Variants in ZBP1 observed in about 807,000 individuals in gnomAD.
ZBP1 encodes Z-DNA binding protein 1.
A neutral mutation model predicts 41.1 loss-of-function variants in ZBP1; 42 were observed. The observed-to-expected ratio is 1.02, with a 90% CI of 0.80 to 1.32. The LOEUF (loss-of-function observed/expected upper bound fraction) is 1.32, where lower values mean the gene tolerates loss of function less well. Among genes scored for constraint, ZBP1 ranks in the 40% most tolerant of loss-of-function variants. The pLI is 0.00. For missense variants in ZBP1, 562 were observed against 549.7 expected, an observed-to-expected ratio of 1.02 and a Z score of -0.22; for synonymous variants, 214 against 205.2, an observed-to-expected ratio of 1.04 and a Z score of -0.37.
intron 4 of ZBP1, among the ~76,000 whole-genome samples, chr20:57,614,562 G>A (rs1013120647): frequency 2.0e-5 from 3 of 152,022 alleles, no homozygotes; most frequent in African/African-American, 7.3e-5. Context: ...ACCCCAACTT[G>A]AGCAAAGTGC....
chr20:57,610,347 G>T lies in ZBP1; in HGVS notation c.895C>A (p.Pro299Thr), dbSNP rs1362734419. 5.0e-6 allele frequency: 8 copies of T among 1,614,050 alleles called. No homozygotes were observed. The East Asian group carries it at 6.7e-5, about 13-fold the overall frequency. The change falls in exon 7 of 8, where the codon CCA becomes ACA. Residue 299 changes from proline to threonine, a missense_variant. By Grantham distance (38) the Pro-to-Thr change is conservative. Coordinates refer to ENST00000371173, the MANE Select transcript of ZBP1 (RefSeq NM_030776.3). The surrounding 1 kb of genome is among the most constrained non-coding windows in gnomAD (Gnocchi z 5.5). ...SPPVSATAAG[P>T]EASFEARIPS... ...ATTCTTGCTTCAAACGAAGCTTCTG[G>T]GCCGGCAGCAGTGGCAGAGACTGTG...
In ZBP1 at chr20:57,610,575, T is replaced by TCCACTGATCCCGCAGTGGGTCTGCC; in HGVS notation, c.875-233_875-209dup. 1.7e-6 allele frequency: 1 copy of TCCACTGATCCCGCAGTGGGTCTGCC among 604,062 alleles called. No homozygotes were observed. The highest frequency in any genetic ancestry group is 2.8e-5 in the East Asian group (1 of 35,968). 37.4% of individuals were successfully genotyped at this position (604,062 alleles called of 1,614,324 possible). The stretch of plus-strand genomic sequence containing the variant: ...TGCTGTCTGGGAAGCGTCTTTCTGC[T>TCCACTGATCCCGCAGTGGGTCTGCC]CCACTGATCCCGCAGTGGGTCTGCC... On this transcript the variant is annotated intron_variant, in intron 6 of 7. Transcript: ENST00000371173. This position sits in a 1 kb window ranked among gnomAD's most constrained non-coding sequence, Gnocchi z 5.5.
chr20:57,620,154 A>G, intron 1 of ZBP1, 108 bp downstream of exon 1: 6 of 1,343,428 alleles, frequency 4.5e-6, no homozygotes, highest in Non-Finnish European at 4.2e-6. Context: ...ATTCTTTAGG[A>G]TACTGCTATT....
chr20:57,610,169 C>T lies in ZBP1; in HGVS notation c.1073G>A (p.Gly358Glu), dbSNP rs140512887. 22 of 1,614,004 alleles carry T rather than the reference C, an allele frequency of 1.4e-5. No homozygotes were observed. The highest frequency in any genetic ancestry group is 1.8e-5 in the Non-Finnish European group (21 of 1,180,004). Residue 358 changes from glycine to glutamate, a missense_variant, in exon 7 of 8, where the codon GGG (glycine) becomes GAG (glutamate). Gly to Glu is a moderately conservative substitution (Grantham distance 98). Transcript: ENST00000371173. This position sits in a 1 kb window ranked among gnomAD's most constrained non-coding sequence, Gnocchi z 5.5. Reference sequence around the variant, plus strand: ...CTCACCTGCGTCCTCCCCTGGCTCCCCCTCTCCAGACCCTGCGACTCCTCC... The same window carrying T: ...CTCACCTGCGTCCTCCCCTGGCTCCTCCTCTCCAGACCCTGCGACTCCTCC... Reference protein sequence around the residue: ...GPGGVAGSGEGEPGEDAGRRP... With the variant: ...GPGGVAGSGEEEPGEDAGRRP...
chr20:57,611,686 CG>C, intron 6 of ZBP1, 40 bp downstream of exon 6: 1 of 1,572,912 alleles, frequency 6.4e-7, no homozygotes, highest in Non-Finnish European at 8.6e-7. Flanking sequence ...TGAGGACCCA[CG>C]GGGTGGCAGA....
Position 57,611,411 on chromosome 20 carries a change from A to ATTTTTTTTTTTTTTTTTTTTTTTTTT in ZBP1, c.874+315_874+316insAAAAAAAAAAAAAAAAAAAAAAAAAA, listed in dbSNP as rs3068061. On this transcript the variant is annotated intron_variant, in intron 6 of 7. Transcript: ENST00000371173. ...AGGCGCAAGCCACCATGCCCGGTTA[A>ATTTTTTTTTTTTTTTTTTTTTTTTTT]TTTTTTTTTTTTTTTTTTTTGTATT... Among the ~76,000 whole-genome samples the ATTTTTTTTTTTTTTTTTTTTTTTTTT allele has an allele frequency of 2.4e-4, 23 of 95,142 alleles. 1 individual carries two copies. Among genetic ancestry groups the ATTTTTTTTTTTTTTTTTTTTTTTTTT allele is most frequent in the Non-Finnish European group, 3.7e-4 (19 of 51,840 alleles). The allele number at this position is 95,142 out of a possible 152,430, so 62.4% of individuals were successfully genotyped here. A position where few individuals can be genotyped will look rare whatever the true frequency, so the allele number is the denominator to read the frequency against.
Position 57,604,367 on chromosome 20 carries a change from TC to T in ZBP1, c.*205del. 1.4e-6 allele frequency: 1 copy of T among 708,408 alleles called. No homozygotes were observed. Among genetic ancestry groups the T allele is most frequent in the Non-Finnish European group, 2.5e-6 (1 of 396,124 alleles). The allele number at this position is 708,408 out of a possible 1,614,324, so 43.9% of individuals were successfully genotyped here. A position where few individuals can be genotyped will look rare whatever the true frequency, so the allele number is the denominator to read the frequency against. ...CACACCAAAGGTTCCCCAAGGCAAC[TC>T]CCTGTCATCTACTCCTGGCCATCAA... On this transcript the variant is annotated 3_prime_UTR_variant, in exon 8 of 8. Coordinates refer to ENST00000371173, the MANE Select transcript of ZBP1 (RefSeq NM_030776.3).
chr20:57,620,141 A>G, intron 1 of ZBP1, 121 bp downstream of exon 1: 1 of 1,235,492 alleles, frequency 8.1e-7, no homozygotes, highest in South Asian at 1.3e-5. Flanking sequence ...CAGCTGGTCT[A>G]CTATTCTTTA....
At chr20:57,607,159 A>G in intron 7 of ZBP1, 1 of 1,304,260 alleles carries the variant, frequency 7.7e-7, no homozygotes, top group South Asian at 1.2e-5. Flanking sequence ...TCTGGAAAAG[A>G]TCACCAATCT....
In ZBP1 at chr20:57,610,441, G is replaced by T; in HGVS notation, c.875-74C>A. On this transcript the variant is annotated intron_variant, in intron 6 of 7. Transcript: ENST00000371173. The surrounding 1 kb of genome is among the most constrained non-coding windows in gnomAD (Gnocchi z 5.5). ...GGCCGGGAACCCTGACCCCCAGCCT[G>T]GTTCACCCTCCTCCCCAGATCTCCC... 6.6e-7 allele frequency: 1 copy of T among 1,519,784 alleles called. No individual in the cohort carries two copies. The highest frequency in any genetic ancestry group is 9.1e-7 in the Non-Finnish European group (1 of 1,100,658). The allele number at this position is 1,519,784 out of a possible 1,614,324, so 94.1% of individuals were successfully genotyped here.
At chr20:57,616,208 G>C (rs763753549) in intron 2 of ZBP1, 36 bp downstream of exon 2, 2 of 1,597,662 alleles carry the variant, frequency 1.3e-6, no homozygotes, top group Non-Finnish European at 8.6e-7. Flanking sequence ...GATGCTCCCT[G>C]CAGGGTCAGA....
intron 7 of ZBP1, among the ~76,000 whole-genome samples, chr20:57,606,551 A>G (rs753444071): frequency 6.6e-6 from 1 of 152,396 alleles, no homozygotes; most frequent in South Asian, 2.1e-4. Flanking sequence ...GATGTCATCT[A>G]GAACTTTCAT....
intron 7 of ZBP1, among the ~76,000 whole-genome samples, chr20:57,608,716 G>A (rs1161747620): frequency 6.6e-6 from 1 of 152,214 alleles, no homozygotes; most frequent in Non-Finnish European, 1.5e-5. Flanking sequence ...GGCTCCCAGG[G>A]GTCCTGGAGG....
Position 57,616,464 on chromosome 20 carries a change from G to C in ZBP1, c.39C>G (p.His13Gln). The change falls in exon 2 of 8, where the codon CAC becomes CAG. Residue 13 changes from histidine (H) to glutamine (Q), a missense_variant. Coordinates refer to ENST00000371173, the MANE Select transcript of ZBP1 (RefSeq NM_030776.3). Reference protein sequence around the residue: ...QAPADPGREGHLEQRILQVLT... With the variant: ...QAPADPGREGQLEQRILQVLT... The stretch of plus-strand genomic sequence containing the variant: ...GCACCTGCAGGATTCTTTGTTCAAG[G>C]TGGCCTGGGGGAGCGAGCGGGGGAC... 2 of 1,613,232 alleles carry C rather than the reference G, an allele frequency of 1.2e-6. No homozygotes were observed. The highest frequency in any genetic ancestry group is 4.5e-5 in the East Asian group (2 of 44,878).
intron 7 of ZBP1, among the ~76,000 whole-genome samples, chr20:57,605,976 C>A (rs1227565909): frequency 6.6e-6 from 1 of 152,100 alleles, no homozygotes; most frequent in Non-Finnish European, 1.5e-5. Flanking sequence ...CAAACGGCCT[C>A]TATGTGCTAA....
At position 57,616,466 on chromosome 20, in the gene ZBP1, G is replaced by A. The variant is rs781313571; in HGVS notation, c.37C>T (p.His13Tyr). The change falls in exon 2 of 8, where the codon CAC becomes TAC. Residue 13 changes from histidine to tyrosine, a missense_variant and splice_region_variant. Coordinates refer to ENST00000371173, the MANE Select transcript of ZBP1 (RefSeq NM_030776.3). ...ACCTGCAGGATTCTTTGTTCAAGGT[G>A]GCCTGGGGGAGCGAGCGGGGGACAG... ...QAPADPGREG[H>Y]LEQRILQVLT... 3.7e-6 allele frequency: 6 copies of A among 1,613,106 alleles called. No individual in the cohort carries two copies. The East Asian group carries it at 1.3e-4, about 36-fold the overall frequency.
In ZBP1 at chr20:57,610,023, G is replaced by A. The variant is rs1390065321; in HGVS notation, c.1093+126C>T. ...AGAGCTGCTGCTCCTCGCTGTGGGT[G>A]GGCACAGCCTCCAGACTCCGGGAAA... On this transcript the variant is annotated intron_variant, in intron 7 of 7. Coordinates refer to ENST00000371173, the MANE Select transcript of ZBP1 (RefSeq NM_030776.3). The surrounding 1 kb of genome is among the most constrained non-coding windows in gnomAD (Gnocchi z 5.5). The A allele has an allele frequency of 8.4e-6, 9 of 1,073,950 alleles. No individual in the cohort carries two copies. The highest frequency in any genetic ancestry group is 3.0e-5 in the South Asian group (2 of 67,290). The allele number at this position is 1,073,950 out of a possible 1,614,324, so 66.5% of individuals were successfully genotyped here. A position where few individuals can be genotyped will look rare whatever the true frequency, so the allele number is the denominator to read the frequency against.
chr20:57,615,842 G>A, intron 2 of ZBP1: 1 of 542,156 alleles, frequency 1.8e-6, no homozygotes, highest in Non-Finnish European at 3.2e-6. Context: ...ACAGTGCCTG[G>A]CTAATCTTAA....
chr20:57,604,887 G>T, intron 7 of ZBP1, 118 bp from the exon 8 acceptor site: 1 of 1,011,918 alleles, frequency 9.9e-7, no homozygotes, highest in Non-Finnish European at 1.5e-6. Context: ...ACTGTCTTTA[G>T]ATTTGTACAA....
Sources: gnomAD v4.1 joint callset for allele counts (sites outside exome capture counted in the v4.1 genomes callset) on GRCh38, gnomAD v4.1.1 for gene constraint, Gnocchi (gnomAD v3.1) non-coding constraint, MANE v1.5 for transcripts, NCBI Gene and HGNC (gene_info 2026-07-23, HGNC 2026-07-21) for gene names.